COX7A2L: variants seen among roughly 807,000 people sequenced by gnomAD.
COX7A2L encodes the protein cytochrome c oxidase subunit 7A2 like.
COX7A2L carries 18 observed loss-of-function variants against 14.2 expected under a neutral mutation model. The observed-to-expected ratio is 1.27, with a 90% CI of 0.88 to 1.88. COX7A2L has a LOEUF of 1.88. Ranked by LOEUF, COX7A2L falls within the 40% of genes most tolerant of loss-of-function variation. The pLI, the probability that COX7A2L is intolerant of heterozygous loss-of-function variation, is 0.00. For missense variants in COX7A2L, 179 were observed against 138.8 expected, an observed-to-expected ratio of 1.29 and a Z score of -1.46; for synonymous variants, 65 against 57.4, an observed-to-expected ratio of 1.13 and a Z score of -0.60.
chr2:42,353,302 T>TA lies in COX7A2L; in HGVS notation c.113dup (p.Phe39IlefsTer6). 1 of 1,614,064 alleles carries TA rather than the reference T, an allele frequency of 6.2e-7. No individual in the cohort carries two copies. Among genetic ancestry groups the TA allele is most frequent in the Non-Finnish European group, 8.5e-7 (1 of 1,179,992 alleles). ...AGGTCAGTTTAGTTGGTGTGGCAAA[T>TA]ATGATAGGTGGTGCTTCTGTGGAAA... is the stretch of plus-strand genomic sequence containing the variant. On this transcript the variant is annotated frameshift_variant, in exon 2 of 3. Transcript: ENST00000234301. LOFTEE classifies it high-confidence loss of function.
intron 1 of COX7A2L, among the ~76,000 whole-genome samples, chr2:42,368,682 A>G (rs922273581): frequency 1.3e-5 from 2 of 152,242 alleles, no homozygotes; most frequent in Non-Finnish European, 2.9e-5. Flanking sequence ...GAGTTTATTC[A>G]TATGAATGCC....
intron 1 of COX7A2L, among the ~76,000 whole-genome samples, chr2:42,358,828 A>C (rs1670915452): frequency 6.6e-6 from 1 of 152,226 alleles, no homozygotes; most frequent in African/African-American, 2.4e-5. Context: ...GATTATGCTG[A>C]AGATATATTA....
intron 1 of COX7A2L, chr2:42,359,360 T>C (rs957100678): frequency 6.6e-6 from 1 of 152,230 alleles, no homozygotes; most frequent in Non-Finnish European, 1.5e-5. Context: ...ACAAGGGAAC[T>C]TCCTGGGATG....
intron 2 of COX7A2L, chr2:42,352,998 T>A: frequency 1.7e-6 from 1 of 602,798 alleles, no homozygotes; most frequent in Non-Finnish European, 2.8e-6. Context: ...CACCCTTAAA[T>A]ACTAATGAGG....
chr2:42,361,244 A>T, upstream of COX7A2L: 2 of 1,347,484 alleles, frequency 1.5e-6, no homozygotes, highest in East Asian at 5.0e-5. Flanking sequence ...TGTGGTCCCG[A>T]GACTCAGCGC....
At chr2:42,364,838 T>C (rs1222302664), upstream of COX7A2L, among the ~76,000 whole-genome samples, 1 of 152,168 alleles carries the variant, frequency 6.6e-6, no homozygotes, top group Admixed American at 6.5e-5. Context: ...ACAGCTTTAT[T>C]GCGGTACAGG....
upstream of COX7A2L, chr2:42,365,631 G>GA (rs1042451248): frequency 2.3e-4 from 31 of 135,776 alleles, no homozygotes; most frequent in Non-Finnish European, 2.9e-4. Flanking sequence ...CCGTCCCGAA[G>GA]AAAAAAAAAA....
intron 2 of COX7A2L, among the ~76,000 whole-genome samples, chr2:42,351,712 A>G (rs750108656): frequency 2.0e-5 from 3 of 152,150 alleles, no homozygotes; most frequent in Non-Finnish European, 4.4e-5. Flanking sequence ...GGTGGCTCAC[A>G]CCTGTAATCC....
intron 2 of COX7A2L, among the ~76,000 whole-genome samples, chr2:42,340,406 C>G (rs929047744): frequency 6.6e-6 from 1 of 152,194 alleles, no homozygotes; most frequent in African/African-American, 2.4e-5. Context: ...TTTTCCTCTC[C>G]ATTCTGTCCT....
chr2:42,341,066 G>C (rs149591733), intron 2 of COX7A2L, among the ~76,000 whole-genome samples: 148 of 152,184 alleles, frequency 9.7e-4, no homozygotes, highest in African/African-American at 3.5e-3. Flanking sequence ...GTTATAACGT[G>C]TCACATCCAT....
intron 1 of COX7A2L, chr2:42,359,951 C>G (rs1232509368): frequency 6.6e-6 from 1 of 152,066 alleles, no homozygotes; most frequent in East Asian, 1.9e-4. Context: ...ATCTCAAACT[C>G]CTGGGCTCAA....
upstream of COX7A2L, among the ~76,000 whole-genome samples, chr2:42,364,250 C>CAAAAAAAAAA (rs35151680): frequency 1.8e-3 from 155 of 85,392 alleles, 5 homozygotes; most frequent in African/African-American, 5.8e-3. Flanking sequence ...GACTCCGTCT[C>CAAAAAAAAAA]AAAAAAAAAA....
At chr2:42,341,222 G>C (rs559967549) in intron 2 of COX7A2L, among the ~76,000 whole-genome samples, 15 of 152,128 alleles carry the variant, frequency 9.9e-5, no homozygotes, top group Non-Finnish European at 1.6e-4. Flanking sequence ...CTGGCCCTCA[G>C]GAGACTGAGG....
At chr2:42,351,692 G>A (rs1443742760) in intron 2 of COX7A2L, among the ~76,000 whole-genome samples, 1 of 152,232 alleles carries the variant, frequency 6.6e-6, no homozygotes, top group Non-Finnish European at 1.5e-5. Flanking sequence ...AGGCAGGAGA[G>A]GCTGGGCGCG....
intron 2 of COX7A2L, among the ~76,000 whole-genome samples, chr2:42,336,015 A>C (rs1043053259): frequency 5.3e-5 from 8 of 152,216 alleles, no homozygotes; most frequent in Admixed American, 4.6e-4. Flanking sequence ...AGAAGTCCTC[A>C]GTCCCTAATG....
At chr2:42,367,607 T>C (rs1671190909) in intron 1 of COX7A2L, among the ~76,000 whole-genome samples, 1 of 152,204 alleles carries the variant, frequency 6.6e-6, no homozygotes, top group Admixed American at 6.5e-5. Context: ...ACTGAGAAAC[T>C]TGGAAAGCCC....
At chr2:42,354,482 TACAG>T (rs1489687862) in intron 1 of COX7A2L, among the ~76,000 whole-genome samples, 1 of 152,218 alleles carries the variant, frequency 6.6e-6, no homozygotes, top group Non-Finnish European at 1.5e-5. Context: ...CTTTTCCTTT[TACAG>T]ACAAAGAAGG....
chr2:42,345,083 T>C (rs989479042), downstream of COX7A2L, among the ~76,000 whole-genome samples: 12 of 152,094 alleles, frequency 7.9e-5, no homozygotes, highest in African/African-American at 2.9e-4. Flanking sequence ...GTGTGATCTA[T>C]TATCAAAATT....
At chr2:42,366,066 T>C (rs1254849807), upstream of COX7A2L, among the ~76,000 whole-genome samples, 5 of 152,178 alleles carry the variant, frequency 3.3e-5, no homozygotes, top group South Asian at 2.1e-4. Flanking sequence ...CTAATGTCAA[T>C]GGATCATTTT....
Sources: allele counts gnomAD v4.1 joint callset (sites outside exome capture counted in the v4.1 genomes callset), GRCh38; gene constraint gnomAD v4.1.1; transcripts MANE v1.5; gene names NCBI Gene and HGNC (gene_info 2026-07-23, HGNC 2026-07-21).